UNC13C: variants seen among roughly 807,000 people sequenced by gnomAD.
The protein encoded by UNC13C is protein unc-13 homolog C.
UNC13C carries 174 observed loss-of-function variants against 245.4 expected under a neutral mutation model. The observed-to-expected ratio is 0.71, with a 90% CI of 0.63 to 0.80. The LOEUF (loss-of-function observed/expected upper bound fraction) is 0.80. Among genes scored for constraint, UNC13C ranks in the 30% least tolerant of loss-of-function variants. UNC13C has a pLI of 0.00. For synonymous variants in UNC13C, 992 were observed against 895.1 expected (o/e 1.11, Z -1.93); for missense variants, 2,829 against 2,602.9 (o/e 1.09, Z -1.89).
chr15:54,467,209 A>G (rs1892222778), intron 19 of UNC13C, among the ~76,000 whole-genome samples: 1 of 151,820 alleles, frequency 6.6e-6, no homozygotes, highest in Non-Finnish European at 1.5e-5. Flanking sequence ...GGGAAACATA[A>G]ATTTAAATAA....
At chr15:53,938,281 G>T in the UNC13C span, among the ~76,000 whole-genome samples, 1 of 152,054 alleles carries the variant, frequency 6.6e-6, no homozygotes, top group Admixed American at 6.6e-5. Context: ...ACAAAGAAGG[G>T]CATTACATAA....
At chr15:53,965,362 ACAG>A in the UNC13C span, among the ~76,000 whole-genome samples, 1 of 152,082 alleles carries the variant, frequency 6.6e-6, no homozygotes. Flanking sequence ...CTTTTTAAAC[ACAG>A]CCTTCAGTAC....
intron 8 of UNC13C, among the ~76,000 whole-genome samples, chr15:54,262,953 A>G (rs1012387014): frequency 6.6e-6 from 1 of 152,164 alleles, no homozygotes; most frequent in Non-Finnish European, 1.5e-5. Flanking sequence ...TACTTTCTAT[A>G]CTTAAATTGG....
At chr15:54,452,344 T>C (rs1443809238) in intron 19 of UNC13C, among the ~76,000 whole-genome samples, 1 of 152,106 alleles carries the variant, frequency 6.6e-6, no homozygotes, top group Non-Finnish European at 1.5e-5. Context: ...ATGGCAGTTA[T>C]AGTGGTGGCT....
intron 15 of UNC13C, among the ~76,000 whole-genome samples, chr15:54,333,275 A>T (rs1038666382): frequency 1.3e-5 from 2 of 152,170 alleles, no homozygotes; most frequent in East Asian, 1.9e-4. Context: ...ACCTTTTTTT[A>T]AAATCCATAG....
At chr15:54,177,533 C>G (rs2033656682) in intron 4 of UNC13C, among the ~76,000 whole-genome samples, 1 of 152,106 alleles carries the variant, frequency 6.6e-6, no homozygotes, top group Admixed American at 6.5e-5. Flanking sequence ...TAAAGAGAGG[C>G]CATAAACCAG....
intron 25 of UNC13C, among the ~76,000 whole-genome samples, chr15:54,526,106 G>T (rs974201776): frequency 6.6e-6 from 1 of 152,146 alleles, no homozygotes; most frequent in African/African-American, 2.4e-5. Flanking sequence ...ATACCAAATT[G>T]TCAGGATTCT....
chr15:53,928,634 G>A, the UNC13C span, among the ~76,000 whole-genome samples: 1 of 152,152 alleles, frequency 6.6e-6, no homozygotes, highest in Non-Finnish European at 1.5e-5. Flanking sequence ...AAGGACATTT[G>A]AATATGTCTA....
chr15:54,285,330 A>C (rs377148441), intron 10 of UNC13C, among the ~76,000 whole-genome samples: 28 of 152,264 alleles, frequency 1.8e-4, no homozygotes, highest in African/African-American at 6.3e-4. Context: ...GTTTCTCTGC[A>C]TCAACACTGG....
At chr15:54,368,050 T>C (rs2140877660) in intron 17 of UNC13C, among the ~76,000 whole-genome samples, 1 of 152,234 alleles carries the variant, frequency 6.6e-6, no homozygotes, top group East Asian at 1.9e-4. Context: ...ACTTTCAGGG[T>C]AATGCAAGTA....
Position 54,041,120 on chromosome 15 carries a change from A to T in UNC13C, c.2983+25234A>T, listed in dbSNP as rs1373512590. ...TGCTTATTAATGGATAACGTAGAGG[A>T]GCTCTTTAATGTTTGTTAAATGAAT... is the stretch of plus-strand genomic sequence containing the variant. On this transcript the variant is annotated intron_variant, in intron 2 of 32. Coordinates refer to ENST00000260323, the MANE Select transcript of UNC13C (RefSeq NM_001080534.3). Among the ~76,000 whole-genome samples, 3 of 152,342 alleles carry T rather than the reference A, an allele frequency of 2.0e-5. No homozygotes were observed. In the East Asian group the frequency reaches 5.8e-4, roughly 29 times the overall value.
chr15:53,953,831 C>T, the UNC13C span, among the ~76,000 whole-genome samples: 1 of 152,230 alleles, frequency 6.6e-6, no homozygotes, highest in Non-Finnish European at 1.5e-5. Flanking sequence ...TTCCACATCA[C>T]AAAACTCTCC....
chr15:54,310,079 C>T (rs960514864), intron 13 of UNC13C, among the ~76,000 whole-genome samples: 12 of 151,710 alleles, frequency 7.9e-5, no homozygotes, highest in African/African-American at 2.9e-4. Flanking sequence ...GAGATTGCAA[C>T]AGTACTTTTT....
chr15:54,518,963 A>C (rs1486838318), intron 24 of UNC13C, among the ~76,000 whole-genome samples: 1 of 152,154 alleles, frequency 6.6e-6, no homozygotes, highest in Non-Finnish European at 1.5e-5. Context: ...TCCCATTGTT[A>C]TAAAACGGGG....
At chr15:54,129,223 C>T (rs951595839) in intron 2 of UNC13C, among the ~76,000 whole-genome samples, 11 of 152,214 alleles carry the variant, frequency 7.2e-5, no homozygotes, top group South Asian at 2.1e-4. Context: ...GGTTTTATCA[C>T]GGGGGTAAAT....
the UNC13C span, among the ~76,000 whole-genome samples, chr15:53,860,338 G>T: frequency 6.6e-6 from 1 of 152,104 alleles, no homozygotes; most frequent in Non-Finnish European, 1.5e-5. Flanking sequence ...AATTAAAGAA[G>T]GATATTTTGA....
At chr15:53,900,128 A>G in the UNC13C span, among the ~76,000 whole-genome samples, 1 of 152,198 alleles carries the variant, frequency 6.6e-6, no homozygotes, top group Non-Finnish European at 1.5e-5. Flanking sequence ...TATTCCGCAA[A>G]TAGTACATCT....
At position 54,495,659 on chromosome 15, in the gene UNC13C, TAGAA is replaced by T. The variant is rs1158665378; in HGVS notation, c.5060+928_5060+931del. Among the ~76,000 whole-genome samples the T allele has an allele frequency of 3.9e-5, 6 of 152,000 alleles. No homozygotes were observed. In the South Asian group the frequency reaches 1.0e-3, roughly 26 times the overall value. On this transcript the variant is annotated intron_variant, in intron 20 of 32. Transcript: ENST00000260323. Reference sequence around the variant, plus strand: ...CATATTTCCATTTTTATAAAATTAATAGAAAGTAATATTTTAAAAAAATAATGTA... The same window carrying T: ...CATATTTCCATTTTTATAAAATTAATAGTAATATTTTAAAAAAATAATGTA...
In UNC13C at chr15:54,195,528, G is replaced by A. The variant is rs530589023; in HGVS notation, c.3072-39502G>A. On this transcript the variant is annotated intron_variant, in intron 4 of 32. Coordinates refer to ENST00000260323, the MANE Select transcript of UNC13C (RefSeq NM_001080534.3). ...GGTAGAGTAGCAGGACAGAAGCAGC[G>A]CCTTTTGCACCATAGATAGACAATG... Among the ~76,000 whole-genome samples, 7 of 152,172 alleles carry A rather than the reference G, an allele frequency of 4.6e-5. No homozygotes were observed. The South Asian group carries it at 6.2e-4, about 14-fold the overall frequency.
Sources: gnomAD v4.1 joint callset for allele counts (sites outside exome capture counted in the v4.1 genomes callset) on GRCh38, gnomAD v4.1.1 for gene constraint, MANE v1.5 for transcripts, NCBI Gene and HGNC (gene_info 2026-07-23, HGNC 2026-07-21) for gene names.